COG5: variants seen among roughly 807,000 people sequenced by gnomAD.
COG5 encodes the protein conserved oligomeric Golgi complex subunit 5.
In COG5, 86 loss-of-function variants were observed where a neutral mutation model predicts 110.4. The ratio of observed to expected loss-of-function variants is 0.78; its 90% CI spans 0.65 to 0.93. The LOEUF (loss-of-function observed/expected upper bound fraction) is 0.93, where lower values mean the gene tolerates loss of function less well. Among genes scored for constraint, COG5 ranks in the 40% least tolerant of loss-of-function variants. COG5 has a pLI of 0.00. For missense variants in COG5, 1,077 were observed against 987.0 expected (o/e 1.09, Z -1.22); for synonymous variants, 360 against 334.6 (o/e 1.08, Z -0.83).
Position 107,277,212 on chromosome 7 carries a change from A to G in COG5, c.1575+4088T>C, listed in dbSNP as rs1804767501. Reference sequence around the variant, plus strand: ...TTCACAAAACAATATGTATAACACAATGCAACTTTTCTTAAATAAAAAAGA... The same window carrying G: ...TTCACAAAACAATATGTATAACACAGTGCAACTTTTCTTAAATAAAAAAGA... On this transcript the variant is annotated intron_variant, in intron 14 of 21. Coordinates refer to ENST00000297135, the MANE Select transcript of COG5 (RefSeq NM_006348.5). 2.6e-5 allele frequency among the ~76,000 whole-genome samples: 4 copies of G among 152,350 alleles called. No individual in the cohort carries two copies. In the South Asian group the frequency reaches 8.3e-4, roughly 32 times the overall value.
At chr7:107,512,307 G>C (rs1799579534) in intron 6 of COG5, among the ~76,000 whole-genome samples, 1 of 152,122 alleles carries the variant, frequency 6.6e-6, no homozygotes, top group Non-Finnish European at 1.5e-5. Flanking sequence ...TTGCTTCAAA[G>C]AGAATAAAAT....
intron 16 of COG5, among the ~76,000 whole-genome samples, chr7:107,253,814 GTC>G (rs1378073393): frequency 6.6e-6 from 1 of 152,000 alleles, no homozygotes; most frequent in African/African-American, 2.4e-5. Context: ...TCCAATTCAG[GTC>G]TCTATTCCTG....
At chr7:107,291,156 T>A (rs375313973) in intron 12 of COG5, among the ~76,000 whole-genome samples, 1 of 152,226 alleles carries the variant, frequency 6.6e-6, no homozygotes, top group South Asian at 2.1e-4. Flanking sequence ...CTCCATTACA[T>A]CTCTCCTCTC....
At chr7:107,302,997 C>A (rs1419288616) in intron 11 of COG5, among the ~76,000 whole-genome samples, 1 of 152,192 alleles carries the variant, frequency 6.6e-6, no homozygotes. Context: ...AAGGCAAGGA[C>A]AATGCCTTTT....
intron 10 of COG5, among the ~76,000 whole-genome samples, chr7:107,356,157 C>CT (rs1197656182): frequency 1.3e-5 from 2 of 151,984 alleles, no homozygotes; most frequent in Admixed American, 6.5e-5. Context: ...AAAATAAAGG[C>CT]TTTTTTGGGT....
intron 14 of COG5, among the ~76,000 whole-genome samples, chr7:107,266,283 G>C (rs931668752): frequency 1.3e-5 from 2 of 152,076 alleles, no homozygotes; most frequent in African/African-American, 2.4e-5. Context: ...AAAACTATCA[G>C]AAAATATTTT....
Position 107,248,376 on chromosome 7 carries a change from A to C in COG5, c.1853+20T>G. On this transcript the variant is annotated intron_variant, in intron 17 of 21. Coordinates refer to ENST00000297135, the MANE Select transcript of COG5 (RefSeq NM_006348.5). ...ATAAAGGCAGTAAAAGTTAGTAAAA[A>C]TTTGGTTAGAAGTAATTACCCAGAA... 1 of 1,458,036 alleles carries C rather than the reference A, an allele frequency of 6.9e-7. No homozygotes were observed. 90.3% of individuals were successfully genotyped at this position (1,458,036 alleles called of 1,614,324 possible).
At chr7:107,310,854 T>C (rs996527562) in intron 11 of COG5, among the ~76,000 whole-genome samples, 1 of 152,112 alleles carries the variant, frequency 6.6e-6, no homozygotes, top group African/African-American at 2.4e-5. Flanking sequence ...TCCCTCAGTT[T>C]ATCTTCAACA....
intron 14 of COG5, among the ~76,000 whole-genome samples, chr7:107,258,777 A>G (rs1319744342): frequency 1.3e-5 from 2 of 152,054 alleles, no homozygotes; most frequent in Non-Finnish European, 2.9e-5. Context: ...GGCTCTTTCT[A>G]TTCAAATGCT....
At chr7:107,353,571 G>C (rs1352167491) in intron 10 of COG5, among the ~76,000 whole-genome samples, 3 of 151,838 alleles carry the variant, frequency 2.0e-5, no homozygotes, top group African/African-American at 7.3e-5. Flanking sequence ...TTATAAGCTA[G>C]CCAGAGCATT....
At chr7:107,231,926 C>T (rs1219479973) in intron 18 of COG5, among the ~76,000 whole-genome samples, 2 of 152,108 alleles carry the variant, frequency 1.3e-5, no homozygotes, top group African/African-American at 4.8e-5. Flanking sequence ...CATATATAAA[C>T]ACACATACAT....
intron 18 of COG5, among the ~76,000 whole-genome samples, chr7:107,232,551 A>G (rs953770580): frequency 6.6e-6 from 1 of 152,234 alleles, no homozygotes; most frequent in Non-Finnish European, 1.5e-5. Flanking sequence ...AAAACAAATA[A>G]ATGGCTAGGA....
At chr7:107,272,387 A>G (rs939376170) in intron 14 of COG5, among the ~76,000 whole-genome samples, 1 of 152,116 alleles carries the variant, frequency 6.6e-6, no homozygotes, top group Admixed American at 6.5e-5. Context: ...TTCATCTTAC[A>G]TATGTTGATT....
intron 14 of COG5, among the ~76,000 whole-genome samples, chr7:107,268,584 C>T (rs529487031): frequency 2.2e-3 from 336 of 152,266 alleles, no homozygotes; most frequent in African/African-American, 5.2e-3. Context: ...TGACCCTCTT[C>T]CCCACCACAG....
intron 10 of COG5, among the ~76,000 whole-genome samples, chr7:107,337,635 G>A (rs2129034275): frequency 6.6e-6 from 1 of 152,194 alleles, no homozygotes; most frequent in African/African-American, 2.4e-5. Flanking sequence ...AGATATCAAA[G>A]AGGCTGGGAA....
intron 3 of COG5, among the ~76,000 whole-genome samples, chr7:107,552,586 C>T (rs867242456): frequency 6.6e-5 from 10 of 152,262 alleles, no homozygotes; most frequent in Non-Finnish European, 1.0e-4. Context: ...GATACCATCT[C>T]ACACCATTCA....
At chr7:107,242,527 C>T (rs1185166853) in intron 17 of COG5, among the ~76,000 whole-genome samples, 1 of 152,234 alleles carries the variant, frequency 6.6e-6, no homozygotes, top group Non-Finnish European at 1.5e-5. Context: ...CTCAGCAACT[C>T]CAAGAGCAGA....
intron 3 of COG5, among the ~76,000 whole-genome samples, chr7:107,553,616 T>C (rs1410813674): frequency 6.6e-6 from 1 of 152,200 alleles, no homozygotes; most frequent in Non-Finnish European, 1.5e-5. Flanking sequence ...TAACATTTCA[T>C]ATTTATGAGA....
chr7:107,372,756 G>A lies in COG5; in HGVS notation c.674C>T (p.Pro225Leu), dbSNP rs1423534910. Residue 225 changes from proline (P) to leucine (L), a missense_variant, in exon 8 of 22, where the codon CCA becomes CTA. By Grantham distance (98) the Pro-to-Leu change is moderately conservative (BLOSUM62 -3). Coordinates refer to ENST00000297135, the MANE Select transcript of COG5 (RefSeq NM_006348.5). ...LLEQGLETQN[P>L]TQVGTALQVF... ...CTGAAGAGCTGTTCCGACTTGAGTTGGATTCTTAAAAAAAGGTGGGGTGGG... is the reference window on the plus strand; with the variant it reads ...CTGAAGAGCTGTTCCGACTTGAGTTAGATTCTTAAAAAAAGGTGGGGTGGG... 3 of 1,612,800 alleles carry A rather than the reference G, an allele frequency of 1.9e-6. No individual in the cohort carries two copies. Among genetic ancestry groups the A allele is most frequent in the African/African-American group, 1.3e-5 (1 of 74,732 alleles).
Sources: allele counts gnomAD v4.1 joint callset (sites outside exome capture counted in the v4.1 genomes callset), GRCh38; gene constraint gnomAD v4.1.1; transcripts MANE v1.5; gene names NCBI Gene and HGNC (gene_info 2026-07-23, HGNC 2026-07-21).